Variants in SYNJ1 observed in about 807,000 individuals in gnomAD.
SYNJ1 encodes synaptojanin 1.
In SYNJ1, 78 loss-of-function variants were observed where a neutral mutation model predicts 168.2. The ratio of observed to expected loss-of-function variants is 0.46; its 90% confidence interval spans 0.39 to 0.56. The LOEUF (loss-of-function observed/expected upper bound fraction) is 0.56, where lower values mean the gene tolerates loss of function less well. Ranked by LOEUF, SYNJ1 falls within the 20% of genes least tolerant of loss-of-function variation. The pLI, the probability that SYNJ1 is intolerant of heterozygous loss-of-function variation, is 0.00. For synonymous variants in SYNJ1, 539 were observed against 548.6 expected (o/e 0.98, Z 0.24); for missense variants, 1,303 against 1,597.6 (o/e 0.82, Z 3.14).
chr21:32,720,144 CAGG>C (rs2043168547), intron 2 of SYNJ1, among the ~76,000 whole-genome samples: 2 of 152,120 alleles, frequency 1.3e-5, no homozygotes, highest in Non-Finnish European at 2.9e-5. Context: ...GAGGCTGAGG[CAGG>C]AGAACTGCTT....
intron 10 of SYNJ1, 70 bp downstream of exon 10, chr21:32,683,968 C>A: frequency 7.7e-7 from 1 of 1,296,814 alleles, no homozygotes; most frequent in Non-Finnish European, 1.1e-6. Context: ...TAATAAGAAA[C>A]ATAAGTATTC....
chr21:32,713,634 A>G (rs931459262), intron 2 of SYNJ1, among the ~76,000 whole-genome samples: 1 of 148,432 alleles, frequency 6.7e-6, no homozygotes, highest in Non-Finnish European at 1.5e-5. Flanking sequence ...GATTTCCCAT[A>G]TGTCAACATG....
intron 2 of SYNJ1, among the ~76,000 whole-genome samples, chr21:32,710,510 G>C (rs2042788898): frequency 6.6e-6 from 1 of 151,950 alleles, no homozygotes; most frequent in Non-Finnish European, 1.5e-5. Flanking sequence ...TTAGCCAAAA[G>C]TTTAACAGAC....
At chr21:32,650,586 G>A (rs1187454498) in intron 22 of SYNJ1, among the ~76,000 whole-genome samples, 5 of 152,204 alleles carry the variant, frequency 3.3e-5, no homozygotes, top group Non-Finnish European at 7.4e-5. Flanking sequence ...AGGATGCCCA[G>A]AGATGCAAGT....
At chr21:32,637,417 T>TC (rs1431958145) in intron 31 of SYNJ1, among the ~76,000 whole-genome samples, 1 of 144,172 alleles carries the variant, frequency 6.9e-6, no homozygotes, top group East Asian at 2.0e-4. Flanking sequence ...TTTTTTTTTT[T>TC]TTTTTTTTTG....
chr21:32,723,112 C>T (rs925870938), intron 2 of SYNJ1, among the ~76,000 whole-genome samples: 6 of 152,214 alleles, frequency 3.9e-5, no homozygotes, highest in African/African-American at 7.2e-5. Flanking sequence ...AACATCATGA[C>T]TGATTTAAGC....
intron 6 of SYNJ1, among the ~76,000 whole-genome samples, chr21:32,693,370 T>C (rs759664074): frequency 6.6e-6 from 1 of 152,252 alleles, no homozygotes; most frequent in Non-Finnish European, 1.5e-5. Context: ...CAAGAATTTT[T>C]GCAGAGCAGT....
In SYNJ1 at chr21:32,666,560, T is replaced by G. The variant is rs760221186; in HGVS notation, c.1825A>C (p.Lys609Gln). Residue 609 changes from lysine (K) to glutamine (Q), a missense_variant, in exon 16 of 33, where the codon AAG becomes CAG. Transcript: ENST00000674351. The part of the protein sequence containing the change: ...NIVSASTTNQ[K>Q]LWAVELQKTI... ...TTCTGAAGTTCTACAGCCCAGAGCT[T>G]CTGATTTGTTGTGCTACAAGAAAAT... The G allele has an allele frequency of 1.2e-6, 2 of 1,610,790 alleles. No homozygotes were observed. Among genetic ancestry groups the G allele is most frequent in the Admixed American group, 3.4e-5 (2 of 59,114 alleles).
At chr21:32,718,250 C>T (rs978123696) in intron 2 of SYNJ1, among the ~76,000 whole-genome samples, 12 of 152,234 alleles carry the variant, frequency 7.9e-5, no homozygotes, top group African/African-American at 2.9e-4. Context: ...TTTATTTCCT[C>T]ATAGCAAAGT....
intron 18 of SYNJ1, among the ~76,000 whole-genome samples, chr21:32,663,199 C>T (rs1188031792): frequency 3.9e-5 from 6 of 152,092 alleles, no homozygotes; most frequent in Non-Finnish European, 8.8e-5. Flanking sequence ...TGATGAATTC[C>T]CAGCTCAAAA....
chr21:32,681,367 C>A, intron 11 of SYNJ1, 129 bp downstream of exon 11: 1 of 1,084,300 alleles, frequency 9.2e-7, no homozygotes, highest in East Asian at 2.5e-5. Flanking sequence ...CATAAAAGCA[C>A]ATTAAACAGA....
chr21:32,635,651 G>A (rs1472797528), intron 31 of SYNJ1, among the ~76,000 whole-genome samples: 2 of 152,018 alleles, frequency 1.3e-5, no homozygotes, highest in African/African-American at 4.8e-5. Flanking sequence ...CAATGTAATG[G>A]TACAAAATGG....
At chr21:32,642,001 T>A in intron 28 of SYNJ1, 35 bp from the exon 29 acceptor site, 3 of 1,612,438 alleles carry the variant, frequency 1.9e-6, no homozygotes, top group Non-Finnish European at 2.5e-6. Flanking sequence ...TATTTAAGTT[T>A]AAAAAAATAA....
chr21:32,662,095 C>T (rs943744110), intron 18 of SYNJ1, among the ~76,000 whole-genome samples: 2 of 152,104 alleles, frequency 1.3e-5, no homozygotes, highest in African/African-American at 4.8e-5. Flanking sequence ...CCACCACAGC[C>T]GTGTGAAACC....
At position 32,629,994 on chromosome 21, in the gene SYNJ1, T is replaced by C. The variant is rs1468154034; in HGVS notation, c.*1811A>G. 1 of 152,264 alleles carries C rather than the reference T, an allele frequency of 6.6e-6. No individual in the cohort carries two copies. The highest frequency in any genetic ancestry group is 2.1e-4 in the South Asian group (1 of 4,834). The allele number at this position is 152,264 out of a possible 1,614,324, so 9.4% of individuals were successfully genotyped here. ...CTGCTTTCCCTGCTAAAAGCAAAGTTCCAGAGCAAAAGCAGCAAAAAGAAA... is the reference window on the plus strand; with the variant it reads ...CTGCTTTCCCTGCTAAAAGCAAAGTCCCAGAGCAAAAGCAGCAAAAAGAAA... On this transcript the variant is annotated 3_prime_UTR_variant, in exon 33 of 33. Transcript: ENST00000674351.
chr21:32,691,483 C>A (rs2042024581), intron 6 of SYNJ1, among the ~76,000 whole-genome samples: 1 of 152,024 alleles, frequency 6.6e-6, no homozygotes, highest in Non-Finnish European at 1.5e-5. Flanking sequence ...TTCTTTACAG[C>A]AATGTGAGAA....
At chr21:32,706,279 C>A (rs1199635219) in intron 2 of SYNJ1, among the ~76,000 whole-genome samples, 2 of 152,088 alleles carry the variant, frequency 1.3e-5, no homozygotes, top group Non-Finnish European at 2.9e-5. Flanking sequence ...CACATCTGAA[C>A]TGGATCCTTT....
intron 3 of SYNJ1, among the ~76,000 whole-genome samples, chr21:32,701,625 T>C (rs1297137357): frequency 6.6e-6 from 1 of 151,852 alleles, no homozygotes; most frequent in Admixed American, 6.6e-5. Flanking sequence ...GAAAAATCAG[T>C]GTAGTTCTCA....
intron 9 of SYNJ1, among the ~76,000 whole-genome samples, chr21:32,684,621 T>C (rs909057928): frequency 6.6e-6 from 1 of 152,206 alleles, no homozygotes; most frequent in South Asian, 2.1e-4. Flanking sequence ...CTATTTCACA[T>C]ACAAAAACTG....
Sources: gnomAD v4.1 joint callset for allele counts (sites outside exome capture counted in the v4.1 genomes callset) on GRCh38, gnomAD v4.1.1 for gene constraint, MANE v1.5 for transcripts, NCBI Gene and HGNC (gene_info 2026-07-23, HGNC 2026-07-21) for gene names.